RAD18: variants seen among roughly 807,000 people sequenced by gnomAD.
RAD18 encodes the protein E3 ubiquitin-protein ligase RAD18.
A neutral mutation model predicts 60.4 loss-of-function variants in RAD18; 47 were observed. The observed-to-expected ratio is 0.78, with a 90% CI of 0.62 to 0.99. RAD18 has a LOEUF of 0.99. Among genes scored for constraint, RAD18 ranks in the 50% least tolerant of loss-of-function variants. RAD18 has a pLI of 0.00. For synonymous variants in RAD18, 225 were observed against 195.5 expected, an observed-to-expected ratio of 1.15 and a Z score of -1.26; for missense variants, 640 against 593.3, an observed-to-expected ratio of 1.08 and a Z score of -0.82.
At chr3:8,921,709 G>C (rs111570495) in intron 7 of RAD18, among the ~76,000 whole-genome samples, 351 of 151,328 alleles carry the variant, frequency 2.3e-3, no homozygotes, top group African/African-American at 8.2e-3. Flanking sequence ...GGAAATCCAG[G>C]AAAAAATGAA....
In RAD18 at chr3:8,947,351, T is replaced by C. The variant is rs371721781; in HGVS notation, c.196-61A>G. On this transcript the variant is annotated intron_variant, in intron 3 of 12. Coordinates refer to ENST00000264926, the MANE Select transcript of RAD18 (RefSeq NM_020165.4). The stretch of plus-strand genomic sequence containing the variant: ...AAACAATAATCAACTTGTCATAATC[T>C]TGTTTTTGAAAATGTCTGACCCATC... 150 of 1,393,962 alleles carry C rather than the reference T, an allele frequency of 1.1e-4. No homozygotes were observed. In the African/African-American group the frequency reaches 1.8e-3, roughly 17 times the overall value. 86.3% of individuals were successfully genotyped at this position (1,393,962 alleles called of 1,614,324 possible).
At chr3:8,957,032 A>G (rs1941027009) in intron 2 of RAD18, among the ~76,000 whole-genome samples, 1 of 152,226 alleles carries the variant, frequency 6.6e-6, no homozygotes, top group Non-Finnish European at 1.5e-5. Flanking sequence ...AAATGACATG[A>G]TTGTGTATGC....
At chr3:8,905,232 ATCAACTCATTTTCT>A (rs1939983286) in intron 9 of RAD18, among the ~76,000 whole-genome samples, 2 of 152,228 alleles carry the variant, frequency 1.3e-5, no homozygotes, top group African/African-American at 4.8e-5. Context: ...TACACGTTCA[ATCAACTCATTTTCT>A]TCCAGATTTT....
chr3:8,919,587 T>C (rs1940276350), intron 7 of RAD18, among the ~76,000 whole-genome samples: 1 of 152,244 alleles, frequency 6.6e-6, no homozygotes, highest in Non-Finnish European at 1.5e-5. Flanking sequence ...TGCATGTGTA[T>C]GTATATATGT....
intron 7 of RAD18, 21 bp from the exon 8 acceptor site, chr3:8,913,741 C>T: frequency 1.4e-6 from 2 of 1,443,368 alleles, no homozygotes; most frequent in Non-Finnish European, 9.5e-7. Context: ...AAGAAAATAA[C>T]CACTAGGTTA....
intron 7 of RAD18, among the ~76,000 whole-genome samples, chr3:8,914,580 C>A (rs997056698): frequency 6.6e-6 from 1 of 152,078 alleles, no homozygotes; most frequent in African/African-American, 2.4e-5. Flanking sequence ...GACCTTATGA[C>A]GATCATTTAA....
At chr3:8,936,921 CAG>C (rs58171346) in intron 6 of RAD18, among the ~76,000 whole-genome samples, 3,239 of 152,244 alleles carry the variant, frequency 0.021, 107 homozygotes, top group African/African-American at 0.074. Context: ...AATAATCAAA[CAG>C]AGAAATATTA....
At chr3:8,944,220 C>T (rs45489794) in intron 4 of RAD18, among the ~76,000 whole-genome samples, 4,114 of 152,120 alleles carry the variant, frequency 0.027, 93 homozygotes, top group South Asian at 0.038. Context: ...CTTTGAAAAG[C>T]ACTATTCATC....
intron 11 of RAD18, among the ~76,000 whole-genome samples, chr3:8,897,117 CT>C (rs936887280): frequency 6.6e-6 from 1 of 151,986 alleles, no homozygotes; most frequent in Non-Finnish European, 1.5e-5. Context: ...AAAGGAAATT[CT>C]TTTTTTTAAT....
At chr3:8,956,910 A>G (rs976795302) in intron 2 of RAD18, among the ~76,000 whole-genome samples, 26 of 152,330 alleles carry the variant, frequency 1.7e-4, no homozygotes, top group African/African-American at 6.3e-4. Context: ...TAAGGACAGG[A>G]TGTCCCTCCA....
chr3:8,908,233 C>T (rs1940046740), intron 9 of RAD18, among the ~76,000 whole-genome samples: 1 of 151,518 alleles, frequency 6.6e-6, no homozygotes, highest in Admixed American at 6.6e-5. Flanking sequence ...GCAAGAGGCT[C>T]TTCCCCCAGG....
At chr3:8,905,194 G>T (rs866455953) in intron 9 of RAD18, among the ~76,000 whole-genome samples, 23 of 152,230 alleles carry the variant, frequency 1.5e-4, no homozygotes, top group South Asian at 8.3e-4. Context: ...AAGTGGCTCA[G>T]CTAGTCGTGG....
At chr3:8,937,706 G>T (rs927453434) in intron 6 of RAD18, among the ~76,000 whole-genome samples, 1 of 152,138 alleles carries the variant, frequency 6.6e-6, no homozygotes, top group African/African-American at 2.4e-5. Flanking sequence ...AGAACAGAAA[G>T]GCTTGGCGGT....
intron 11 of RAD18, among the ~76,000 whole-genome samples, chr3:8,894,714 C>A (rs1295554099): frequency 6.7e-6 from 1 of 149,694 alleles, no homozygotes; most frequent in African/African-American, 2.5e-5. Context: ...ATGTTCCATT[C>A]ATCCAAAAGA....
Position 8,880,871 on chromosome 3 carries a change from G to C in RAD18, c.*486C>G, listed in dbSNP as rs749107032. 1 of 153,498 alleles carries C rather than the reference G, an allele frequency of 6.5e-6. No homozygotes were observed. The highest frequency in any genetic ancestry group is 1.4e-5 in the Non-Finnish European group (1 of 68,982). The allele number at this position is 153,498 out of a possible 1,614,324, so 9.5% of individuals were successfully genotyped here. On this transcript the variant is annotated 3_prime_UTR_variant, in exon 13 of 13. Coordinates refer to ENST00000264926, the MANE Select transcript of RAD18 (RefSeq NM_020165.4). ...TGTAACACAGGCATGGTGGTGGCGT[G>C]CATCGGTACTTACACACACCAAGGA...
At chr3:8,955,481 G>A (rs903816652) in intron 2 of RAD18, among the ~76,000 whole-genome samples, 4 of 152,184 alleles carry the variant, frequency 2.6e-5, no homozygotes, top group Admixed American at 2.0e-4. Flanking sequence ...ATAGCTCTGC[G>A]GCTTATCTTG....
At chr3:8,887,127 C>T (rs1372318653) in intron 12 of RAD18, among the ~76,000 whole-genome samples, 4 of 152,188 alleles carry the variant, frequency 2.6e-5, no homozygotes, top group Non-Finnish European at 5.9e-5. Flanking sequence ...CCCAGCTATA[C>T]CTAGGAGCTT....
rs1007723713 is a variant in RAD18, at chr3:8,898,831, T to G, written c.1322+63A>C. The stretch of plus-strand genomic sequence containing the variant: ...AAGCTACATTCTAATTATTTCTGCC[T>G]ATCTATCTACATGTGCATATGAAGT... On this transcript the variant is annotated intron_variant, in intron 11 of 12. Coordinates refer to ENST00000264926, the MANE Select transcript of RAD18 (RefSeq NM_020165.4). 46 of 1,323,806 alleles carry G rather than the reference T, an allele frequency of 3.5e-5. No individual in the cohort carries two copies. In the South Asian group the frequency reaches 5.6e-4, roughly 16 times the overall value. The allele number at this position is 1,323,806 out of a possible 1,614,324, so 82.0% of individuals were successfully genotyped here. A position where few individuals can be genotyped will look rare whatever the true frequency, so the allele number is the denominator to read the frequency against.
At position 8,913,661 on chromosome 3, in the gene RAD18, T is replaced by G. The variant is rs141680340; in HGVS notation, c.949A>C (p.Ser317Arg). 6.4e-7 allele frequency: 1 copy of G among 1,568,004 alleles called. No individual in the cohort carries two copies. The change falls in exon 8 of 13, where the codon AGT becomes CGT. Residue 317 changes from serine to arginine, a missense_variant. Coordinates refer to ENST00000264926, the MANE Select transcript of RAD18 (RefSeq NM_020165.4). ...TAACATACACTTTCATTGAGTTTAC[T>G]AGCTTCAAGACGCATCCTAGTCTTC... ...IEKTRMRLEA[S>R]KLNESVMVFT...
Sources: allele counts gnomAD v4.1 joint callset (sites outside exome capture counted in the v4.1 genomes callset), GRCh38; gene constraint gnomAD v4.1.1; transcripts MANE v1.5; gene names NCBI Gene and HGNC (gene_info 2026-07-23, HGNC 2026-07-21).